Variants in SCD5 observed in about 807,000 individuals in gnomAD.
The protein encoded by SCD5 is acyl-CoA-desaturase 4.
In SCD5, 20 loss-of-function variants were observed where a neutral mutation model predicts 30.4. That is an observed-to-expected ratio of 0.66 (90% CI 0.46 to 0.96). The LOEUF (loss-of-function observed/expected upper bound fraction) is 0.96, where lower values mean the gene tolerates loss of function less well. SCD5 is among the 40% of genes least tolerant of loss of function. SCD5 has a pLI of 0.00. For synonymous variants in SCD5, 173 were observed against 176.4 expected (o/e 0.98, Z 0.16); for missense variants, 381 against 443.3 (o/e 0.86, Z 1.26).
At chr4:82,775,054 C>T (rs1274352879) in intron 1 of SCD5, among the ~76,000 whole-genome samples, 4 of 152,216 alleles carry the variant, frequency 2.6e-5, no homozygotes, top group African/African-American at 9.7e-5. Context: ...CTCTCCCCCA[C>T]AGCCTGCCAC....
intron 1 of SCD5, chr4:82,753,229 T>C: frequency 2.3e-6 from 1 of 431,634 alleles, no homozygotes; most frequent in South Asian, 1.7e-5. Flanking sequence ...TGGGGAGCTT[T>C]TACAGCCACC....
Position 82,647,940 on chromosome 4 carries a change from G to A in SCD5, c.570-11117C>T. Among the ~76,000 whole-genome samples the A allele has an allele frequency of 1.3e-5, 2 of 152,242 alleles. 1 individual carries two copies. Among genetic ancestry groups the A allele is most frequent in the South Asian group, 4.1e-4 (2 of 4,830 alleles). On this transcript the variant is annotated intron_variant, in intron 3 of 4. Coordinates refer to ENST00000319540, the MANE Select transcript of SCD5 (RefSeq NM_001037582.3). ...TTTTGCCCTCTTAATCACAGTTTAT[G>A]AAACAAACTTGACCTTCCTTGATAG...
chr4:82,730,962 A>G (rs565091502), intron 1 of SCD5, among the ~76,000 whole-genome samples: 13 of 152,298 alleles, frequency 8.5e-5, no homozygotes, highest in Admixed American at 2.0e-4. Context: ...TCCAATCAAG[A>G]GCTGACAGTC....
intron 4 of SCD5, among the ~76,000 whole-genome samples, chr4:82,634,975 A>G (rs1727393841): frequency 6.6e-6 from 1 of 152,214 alleles, no homozygotes; most frequent in Non-Finnish European, 1.5e-5. Flanking sequence ...TGCTGCCATC[A>G]GTGCAAGTTG....
At chr4:82,735,823 T>A (rs1169914622) in intron 1 of SCD5, among the ~76,000 whole-genome samples, 1 of 152,254 alleles carries the variant, frequency 6.6e-6, no homozygotes, top group Non-Finnish European at 1.5e-5. Flanking sequence ...ACTAGAAATA[T>A]GTCGTAGGAA....
chr4:82,695,825 T>C (rs17006135), intron 2 of SCD5, among the ~76,000 whole-genome samples: 15,720 of 152,234 alleles, frequency 0.1, 1,071 homozygotes, highest in African/African-American at 0.19. Context: ...ATCCTCTTCA[T>C]GTGCAGCTCA....
chr4:82,794,844 G>T (rs1046720315), intron 1 of SCD5, among the ~76,000 whole-genome samples: 10 of 152,012 alleles, frequency 6.6e-5, no homozygotes, highest in Admixed American at 6.6e-4. Context: ...GTAGAGATGG[G>T]GTTTCACCGT....
chr4:82,718,529 T>C (rs528867928), intron 1 of SCD5, among the ~76,000 whole-genome samples: 3 of 151,924 alleles, frequency 2.0e-5, no homozygotes, highest in South Asian at 4.1e-4. Flanking sequence ...TGAAGAATAT[T>C]TGGCAGCGAG....
chr4:82,649,381 A>G (rs1473114277), intron 3 of SCD5, among the ~76,000 whole-genome samples: 2 of 152,202 alleles, frequency 1.3e-5, no homozygotes, highest in Admixed American at 1.3e-4. Flanking sequence ...TCACCCCTAA[A>G]GAATTTGTAA....
chr4:82,767,878 G>A (rs1721527151), intron 1 of SCD5, among the ~76,000 whole-genome samples: 1 of 152,068 alleles, frequency 6.6e-6, no homozygotes, highest in Middle Eastern at 3.2e-3. Context: ...ATGCTACAGA[G>A]GACCCTCTGG....
chr4:82,702,128 A>ATTTTTTT (rs1162863297), intron 2 of SCD5, among the ~76,000 whole-genome samples: 1 of 84,800 alleles, frequency 1.2e-5, no homozygotes, highest in African/African-American at 4.4e-5. Context: ...CCCCATCATC[A>ATTTTTTT]TCTTTTTTTT....
At chr4:82,695,159 G>C (rs929251170) in intron 2 of SCD5, among the ~76,000 whole-genome samples, 2 of 152,092 alleles carry the variant, frequency 1.3e-5, no homozygotes, top group Admixed American at 1.3e-4. Context: ...GGTGGACACA[G>C]AGGACTGGTG....
intron 1 of SCD5, among the ~76,000 whole-genome samples, chr4:82,766,751 G>A (rs530686401): frequency 1.3e-5 from 2 of 152,280 alleles, no homozygotes; most frequent in East Asian, 1.9e-4. Flanking sequence ...TAAGTTACTT[G>A]GAAATAGTTT....
At chr4:82,660,393 A>T (rs1174548574) in intron 3 of SCD5, 1 of 791,302 alleles carries the variant, frequency 1.3e-6, no homozygotes, top group Non-Finnish European at 1.5e-6. Flanking sequence ...ATAGAAATAC[A>T]TCTGGAAATG....
chr4:82,675,415 G>A (rs558675145), intron 3 of SCD5, among the ~76,000 whole-genome samples: 1 of 152,240 alleles, frequency 6.6e-6, no homozygotes, highest in East Asian at 1.9e-4. Flanking sequence ...AGGTGAAACA[G>A]GCCTCAAAAA....
At chr4:82,775,371 C>T (rs577105822) in intron 1 of SCD5, 1 of 152,388 alleles carries the variant, frequency 6.6e-6, no homozygotes, top group African/African-American at 2.4e-5. Context: ...AAAGCATCGG[C>T]ATAGGTGTAG....
chr4:82,772,053 G>C (rs536786546), intron 1 of SCD5, among the ~76,000 whole-genome samples: 2 of 152,334 alleles, frequency 1.3e-5, no homozygotes, highest in East Asian at 3.9e-4. Context: ...GTCTCGAAGG[G>C]CAAAGAATAT....
chr4:82,692,049 T>A (rs1454883295), intron 2 of SCD5: 2 of 152,488 alleles, frequency 1.3e-5, no homozygotes, highest in East Asian at 3.8e-4. Flanking sequence ...GAGCTAAGCA[T>A]AAAATCCTTG....
At chr4:82,675,314 C>T (rs1728412641) in intron 3 of SCD5, among the ~76,000 whole-genome samples, 2 of 151,980 alleles carry the variant, frequency 1.3e-5, no homozygotes, top group Middle Eastern at 3.4e-3. Context: ...CCTTTAAAAA[C>T]AACAAAAAAG....
Sources: gnomAD v4.1 joint callset for allele counts (sites outside exome capture counted in the v4.1 genomes callset) on GRCh38, gnomAD v4.1.1 for gene constraint, MANE v1.5 for transcripts, NCBI Gene and HGNC (gene_info 2026-07-23, HGNC 2026-07-21) for gene names.